Variants in UBA6 observed in about 807,000 individuals in gnomAD.
The protein encoded by UBA6 is ubiquitin like modifier activating enzyme 6.
In UBA6, 87 loss-of-function variants were observed where a neutral mutation model predicts 148.3. That is an observed-to-expected ratio of 0.59 (90% CI 0.49 to 0.70). The LOEUF is 0.70. Among genes scored for constraint, UBA6 ranks in the 30% least tolerant of loss-of-function variants. The pLI is 0.00. For synonymous variants in UBA6, 376 were observed against 401.0 expected (o/e 0.94, Z 0.75); for missense variants, 1,186 against 1,241.2 (o/e 0.96, Z 0.67).
chr4:67,699,943 C>G (rs1420699833), intron 1 of UBA6, among the ~76,000 whole-genome samples: 1 of 152,118 alleles, frequency 6.6e-6, no homozygotes, highest in Non-Finnish European at 1.5e-5. Context: ...CATTTTATCC[C>G]TAGTACACTT....
intron 17 of UBA6, among the ~76,000 whole-genome samples, chr4:67,641,713 A>C (rs1390342925): frequency 6.6e-6 from 1 of 151,736 alleles, no homozygotes; most frequent in African/African-American, 2.4e-5. Context: ...TTTGTAACTA[A>C]AGTTTTATTG....
chr4:67,646,815 C>T (rs1234324859), intron 14 of UBA6, 24 bp from the exon 15 acceptor site: 1 of 1,508,376 alleles, frequency 6.6e-7, no homozygotes, highest in Non-Finnish European at 9.1e-7. Flanking sequence ...ATTAAAAACA[C>T]AATTATTATG....
rs1163719024 is a variant in UBA6 at position 67,625,170 on chromosome 4, C to G, written c.2536G>C (p.Val846Leu). 1.9e-6 allele frequency: 3 copies of G among 1,609,112 alleles called. No individual in the cohort carries two copies. Among genetic ancestry groups the G allele is most frequent in the Non-Finnish European group, 2.5e-6 (3 of 1,177,828 alleles). The change falls in exon 29 of 33, where the codon GTG (valine) becomes CTG (leucine). Residue 846 changes from valine (V) to leucine (L), a missense_variant. Transcript: ENST00000322244. ...EATKSDLQMA[V>L]LSFEKDDDHN... ...TCATCATCTTTTTCAAATGAAAGCA[C>G]TGCCATCTGAAGGTCACCTGATTAT...
At chr4:67,700,975 G>A (rs949763784) in intron 1 of UBA6, 74 bp downstream of exon 1, 1 of 1,586,648 alleles carries the variant, frequency 6.3e-7, no homozygotes, top group African/African-American at 1.3e-5. Flanking sequence ...CAGCCCGCCG[G>A]AAAGAAAGAA....
rs1548119 is a variant in UBA6 at position 67,614,500 on chromosome 4, T to C, written c.*4497A>G. 34,880 of 151,954 alleles carry C rather than the reference T, an allele frequency of 0.23. 4,152 individuals are homozygous for C. Among genetic ancestry groups the C allele is most frequent in the Middle Eastern group, 0.27 (78 of 294 alleles). 9.4% of individuals were successfully genotyped at this position (151,954 alleles called of 1,614,324 possible). A position where few individuals can be genotyped will look rare whatever the true frequency, so the allele number is the denominator to read the frequency against. On this transcript the variant is annotated 3_prime_UTR_variant, in exon 33 of 33. Coordinates refer to ENST00000322244, the MANE Select transcript of UBA6 (RefSeq NM_018227.6). ...ATAATACATGACTTTGGTGGCACTA[T>C]AGAAAGGAGGAATAAAACCCAGATT...
chr4:67,687,077 C>A lies in UBA6; in HGVS notation c.135-4864G>T, dbSNP rs1730589546. ...TTGAGACAGAGTCTCACTTTGTCGC[C>A]CAGGCTGGACTGCAGTGGTGCGATC... On this transcript the variant is annotated intron_variant, in intron 2 of 32. Coordinates refer to ENST00000322244, the MANE Select transcript of UBA6 (RefSeq NM_018227.6). Among the ~76,000 whole-genome samples the A allele has an allele frequency of 3.5e-5, 5 of 142,096 alleles. No individual in the cohort carries two copies. The South Asian group carries it at 1.1e-3, about 31-fold the overall frequency. 93.2% of individuals were successfully genotyped at this position (142,096 alleles called of 152,430 possible).
chr4:67,626,428 C>G lies in UBA6; in HGVS notation c.2450G>C (p.Ser817Thr). 6.2e-7 allele frequency: 1 copy of G among 1,611,568 alleles called. No homozygotes were observed. Among genetic ancestry groups the G allele is most frequent in the Non-Finnish European group, 8.5e-7 (1 of 1,178,408 alleles). Residue 817 changes from serine to threonine, a missense_variant, in exon 28 of 33, where the codon AGC becomes ACC. By Grantham distance (58) the Ser-to-Thr change is moderately conservative. Transcript: ENST00000322244. Reference sequence around the variant, plus strand: ...AATTGCATTCCTCTCATCTTCACTGCTAATAGGAACATGGTCTGGTTTCCT... The same window carrying G: ...AATTGCATTCCTCTCATCTTCACTGGTAATAGGAACATGGTCTGGTTTCCT... ...TARKPDHVPI[S>T]SEDERNAIFQ...
chr4:67,663,639 T>C, intron 11 of UBA6: 2 of 484,736 alleles, frequency 4.1e-6, no homozygotes, highest in Non-Finnish European at 7.3e-6. Flanking sequence ...ATTATCAAAG[T>C]TGGCAAATCA....
chr4:67,641,977 C>T (rs564471291), intron 17 of UBA6, among the ~76,000 whole-genome samples: 2 of 151,958 alleles, frequency 1.3e-5, no homozygotes, highest in South Asian at 2.1e-4. Flanking sequence ...AGAATGTCTC[C>T]GACTATATTC....
chr4:67,689,631 G>C (rs1730649225), intron 2 of UBA6, among the ~76,000 whole-genome samples: 1 of 152,202 alleles, frequency 6.6e-6, no homozygotes, highest in East Asian at 1.9e-4. Flanking sequence ...AGGGAATGTG[G>C]TACCTGGCCA....
intron 22 of UBA6, 26 bp from the exon 23 acceptor site, chr4:67,633,499 C>T (rs748894892): frequency 6.4e-7 from 1 of 1,555,606 alleles, no homozygotes; most frequent in Non-Finnish European, 8.6e-7. Flanking sequence ...AAAAAAAAAT[C>T]AACATACTTC....
chr4:67,688,607 T>C (rs1730624869), intron 2 of UBA6, among the ~76,000 whole-genome samples: 1 of 152,122 alleles, frequency 6.6e-6, no homozygotes, highest in Non-Finnish European at 1.5e-5. Flanking sequence ...AGAAAAAGTT[T>C]AGAATCTGTT....
At chr4:67,632,729 G>A (rs1439780999) in intron 23 of UBA6, among the ~76,000 whole-genome samples, 6 of 152,204 alleles carry the variant, frequency 3.9e-5, no homozygotes, top group South Asian at 2.1e-4. Flanking sequence ...GTGTGGTGGC[G>A]TGCACATGCA....
chr4:67,690,995 C>T (rs1560503178), intron 2 of UBA6, among the ~76,000 whole-genome samples: 1 of 152,054 alleles, frequency 6.6e-6, no homozygotes, highest in Non-Finnish European at 1.5e-5. Context: ...ATATTTGCTA[C>T]ACAGATCTGC....
intron 23 of UBA6, among the ~76,000 whole-genome samples, chr4:67,632,469 G>A (rs911747144): frequency 6.6e-6 from 1 of 151,996 alleles, no homozygotes; most frequent in African/African-American, 2.4e-5. Flanking sequence ...CATTTCTATG[G>A]CTGAATATTT....
At position 67,677,751 on chromosome 4, in the gene UBA6, T is replaced by A. The variant is rs752797569; in HGVS notation, c.354-29A>T. 3.3e-6 allele frequency: 4 copies of A among 1,224,460 alleles called. No individual in the cohort carries two copies. In the South Asian group the frequency reaches 5.3e-5, roughly 16 times the overall value. 75.8% of individuals were successfully genotyped at this position (1,224,460 alleles called of 1,614,324 possible). The stretch of plus-strand genomic sequence containing the variant: ...AAAAAATAAAATAAATTTTTACTGT[T>A]CTTTAATTCAATATACTCAAATCTC... On this transcript the variant is annotated intron_variant, in intron 5 of 32. Coordinates refer to ENST00000322244, the MANE Select transcript of UBA6 (RefSeq NM_018227.6).
chr4:67,629,013 C>T (rs1728936260), intron 27 of UBA6, 58 bp downstream of exon 27: 1 of 1,212,424 alleles, frequency 8.2e-7, no homozygotes, highest in Non-Finnish European at 1.2e-6. Flanking sequence ...TAGAATGGGA[C>T]TTGGTACAAG....
intron 17 of UBA6, among the ~76,000 whole-genome samples, chr4:67,642,126 T>C (rs1729321945): frequency 6.6e-6 from 1 of 152,076 alleles, no homozygotes; most frequent in East Asian, 1.9e-4. Flanking sequence ...CAATTCATTG[T>C]TCACTGATAT....
chr4:67,672,828 A>G (rs1730182977), intron 7 of UBA6, among the ~76,000 whole-genome samples: 1 of 152,172 alleles, frequency 6.6e-6, no homozygotes, highest in Admixed American at 6.5e-5. Flanking sequence ...GCCCTACTCA[A>G]ACATCATCTC....
Sources: allele counts gnomAD v4.1 joint callset (sites outside exome capture counted in the v4.1 genomes callset), GRCh38; gene constraint gnomAD v4.1.1; transcripts MANE v1.5; gene names NCBI Gene and HGNC (gene_info 2026-07-23, HGNC 2026-07-21).